Variants in RAB6B observed in about 807,000 individuals in gnomAD.
The protein encoded by RAB6B is ras-related protein Rab-6B.
In RAB6B, 7 loss-of-function variants were observed where a neutral mutation model predicts 31.2. That is an observed-to-expected ratio of 0.22 (90% confidence interval 0.13 to 0.42). RAB6B has a LOEUF of 0.42. Among genes scored for constraint, RAB6B ranks in the 10% least tolerant of loss-of-function variants. The pLI is 1.00. For missense variants in RAB6B, 149 were observed against 280.6 expected (o/e 0.53, Z 3.35); for synonymous variants, 105 against 104.9 (o/e 1.00, Z -0.01).
At chr3:133,880,651 C>T (rs1182564991) in intron 1 of RAB6B, among the ~76,000 whole-genome samples, 1 of 152,230 alleles carries the variant, frequency 6.6e-6, no homozygotes, top group Non-Finnish European at 1.5e-5. Context: ...TTCTGCAGCC[C>T]CAGCTTCTCT....
At chr3:133,870,445 A>G (rs1227939792) in intron 1 of RAB6B, among the ~76,000 whole-genome samples, 1 of 152,220 alleles carries the variant, frequency 6.6e-6, no homozygotes. Context: ...AGGGGCAGAA[A>G]TCTTGCCAGA....
chr3:133,838,032 C>T (rs940084554), intron 6 of RAB6B, 134 bp downstream of exon 6: 5 of 905,846 alleles, frequency 5.5e-6, no homozygotes, highest in Non-Finnish European at 3.5e-6. Flanking sequence ...CTGGGCGCAT[C>T]TATGGGTGTT....
At chr3:133,863,605 C>T (rs1051272895) in intron 2 of RAB6B, among the ~76,000 whole-genome samples, 10 of 152,102 alleles carry the variant, frequency 6.6e-5, no homozygotes, top group Admixed American at 1.3e-4. Flanking sequence ...AGTCAGGCTC[C>T]GAGAAGCCCT....
intron 7 of RAB6B, among the ~76,000 whole-genome samples, chr3:133,830,657 C>T (rs1283102309): frequency 6.6e-6 from 1 of 152,160 alleles, no homozygotes; most frequent in East Asian, 1.9e-4. Flanking sequence ...CCACATTAGA[C>T]CTCGTGCAGT....
chr3:133,875,451 G>A (rs1936380263), intron 1 of RAB6B, among the ~76,000 whole-genome samples: 1 of 152,146 alleles, frequency 6.6e-6, no homozygotes. Context: ...TGATTAGAGG[G>A]TACAAATTTG....
In RAB6B at chr3:133,838,205, G is replaced by A; in HGVS notation, c.456C>T (p.Phe152=). The A allele has an allele frequency of 6.2e-7, 1 of 1,614,218 alleles. No individual in the cohort carries two copies. The highest frequency in any genetic ancestry group is 8.5e-7 in the Non-Finnish European group (1 of 1,180,038). ...EQRAKELSVM[F]IETSAKTGYN... is the part of the protein sequence containing the mutation. ...AGCCAGTCTTCGCACTGGTCTCAAT[G>A]AACATGACGCTCAGTTCTTTGGCGC... Residue 152 remains phenylalanine (F), a synonymous_variant, in exon 6 of 8, where the codon TTC becomes TTT. Transcript: ENST00000285208.
chr3:133,841,242 C>T, intron 4 of RAB6B, 43 bp downstream of exon 4: 8 of 1,597,398 alleles, frequency 5.0e-6, no homozygotes, highest in Non-Finnish European at 6.9e-6. Context: ...GGGCCCTGGA[C>T]CCCCTATGAG....
intron 2 of RAB6B, 118 bp downstream of exon 2, chr3:133,864,466 A>G (rs1936207496): frequency 2.9e-6 from 3 of 1,024,642 alleles, no homozygotes; most frequent in Admixed American, 3.4e-5. Flanking sequence ...AAGCTCCTCC[A>G]TAGCAAAATG....
At position 133,827,623 on chromosome 3, in the gene RAB6B, C is replaced by G. The variant is rs1268340627; in HGVS notation, c.*1165G>C. The G allele has an allele frequency of 4.2e-6, 2 of 476,166 alleles. No individual in the cohort carries two copies. The highest frequency in any genetic ancestry group is 3.6e-5 in the Admixed American group (1 of 28,168). 29.5% of individuals were successfully genotyped at this position (476,166 alleles called of 1,614,324 possible). A position where few individuals can be genotyped will look rare whatever the true frequency, so the allele number is the denominator to read the frequency against. On this transcript the variant is annotated 3_prime_UTR_variant, in exon 8 of 8. Coordinates refer to ENST00000285208, the MANE Select transcript of RAB6B (RefSeq NM_016577.4). The stretch of plus-strand genomic sequence containing the variant: ...AAAGATATGTCCACAAAGACTTCAA[C>G]TGCGCCATGCCACTGGGGTGAAAAC...
At chr3:133,870,334 C>T (rs62269104) in intron 1 of RAB6B, among the ~76,000 whole-genome samples, 7 of 152,122 alleles carry the variant, frequency 4.6e-5, no homozygotes, top group Admixed American at 1.3e-4. Context: ...ATCACCTCCA[C>T]CTGGTCCTGT....
At chr3:133,893,486 C>A (rs1936665412) in intron 1 of RAB6B, among the ~76,000 whole-genome samples, 1 of 152,136 alleles carries the variant, frequency 6.6e-6, no homozygotes, top group Admixed American at 6.5e-5. Context: ...CCAGCAGGGG[C>A]CTCCGTTCAT....
chr3:133,834,599 C>T lies in RAB6B; in HGVS notation c.538G>A (p.Val180Ile), dbSNP rs1935704700. The T allele has an allele frequency of 6.2e-7, 1 of 1,614,084 alleles. No homozygotes were observed. Residue 180 changes from valine to isoleucine, a missense_variant, in exon 7 of 8, where the codon GTC becomes ATC. Transcript: ENST00000285208. ...CTCCCTTCTTTGCTTTTCTCCTGGA[C>T]ATTCTCCATTCCGGGTAGAGCCGAC... ...VASALPGMEN[V>I]QEKSKEGMID...
chr3:133,887,693 C>A (rs1291244338), intron 1 of RAB6B, among the ~76,000 whole-genome samples: 2 of 152,146 alleles, frequency 1.3e-5, no homozygotes, highest in Non-Finnish European at 2.9e-5. Flanking sequence ...CAGCCAGTGA[C>A]AGACCGGGAA....
intron 6 of RAB6B, among the ~76,000 whole-genome samples, chr3:133,835,640 G>A (rs578217260): frequency 4.6e-5 from 7 of 152,132 alleles, no homozygotes; most frequent in South Asian, 2.1e-4. Flanking sequence ...TCTGAATGCC[G>A]GTCCCCCTGC....
intron 7 of RAB6B, among the ~76,000 whole-genome samples, chr3:133,829,058 G>A (rs116706727): frequency 6.6e-6 from 1 of 152,084 alleles, no homozygotes; most frequent in Admixed American, 6.5e-5. Context: ...CCCAGCGCCT[G>A]TCCACCCAAG....
At chr3:133,851,635 A>T (rs1287343373) in intron 2 of RAB6B, among the ~76,000 whole-genome samples, 2 of 152,170 alleles carry the variant, frequency 1.3e-5, no homozygotes, top group Non-Finnish European at 2.9e-5. Flanking sequence ...AAAGATGTAG[A>T]GAGGCTGGGT....
In RAB6B at chr3:133,827,151, G is replaced by A. The variant is rs1163071022; in HGVS notation, c.*1637C>T. 1 of 152,378 alleles carries A rather than the reference G, an allele frequency of 6.6e-6. No individual in the cohort carries two copies. Among genetic ancestry groups the A allele is most frequent in the Non-Finnish European group, 1.5e-5 (1 of 68,046 alleles). 9.4% of individuals were successfully genotyped at this position (152,378 alleles called of 1,614,324 possible). ...CACTGCACAAATATCAGTCCTGCCA[G>A]ATTCTGCTGCACTTACTGCCTGCCA... On this transcript the variant is annotated 3_prime_UTR_variant, in exon 8 of 8. Coordinates refer to ENST00000285208, the MANE Select transcript of RAB6B (RefSeq NM_016577.4).
Position 133,872,106 on chromosome 3 carries a change from C to T in RAB6B, c.71-7464G>A, listed in dbSNP as rs541460865. On this transcript the variant is annotated intron_variant, in intron 1 of 7. Coordinates refer to ENST00000285208, the MANE Select transcript of RAB6B (RefSeq NM_016577.4). ...AGGAAAAGAATCTCTGCATCCCCGGCCCACAGCCCCCAGCAGCCAGGCCCA... is the reference window on the plus strand; with the variant it reads ...AGGAAAAGAATCTCTGCATCCCCGGTCCACAGCCCCCAGCAGCCAGGCCCA... Among the ~76,000 whole-genome samples, 5 of 152,352 alleles carry T rather than the reference C, an allele frequency of 3.3e-5. No individual in the cohort carries two copies. The South Asian group carries it at 8.3e-4, about 25-fold the overall frequency.
chr3:133,877,362 A>C (rs558159272), intron 1 of RAB6B, among the ~76,000 whole-genome samples: 1 of 152,348 alleles, frequency 6.6e-6, no homozygotes, highest in East Asian at 1.9e-4. Context: ...GGACTAGAGG[A>C]AACAGTGCTT....
Sources: allele counts gnomAD v4.1 joint callset (sites outside exome capture counted in the v4.1 genomes callset), GRCh38; gene constraint gnomAD v4.1.1; transcripts MANE v1.5; gene names NCBI Gene and HGNC (gene_info 2026-07-23, HGNC 2026-07-21).